PCDHA11: variants seen among roughly 807,000 people sequenced by gnomAD.
The protein encoded by PCDHA11 is protocadherin alpha-11.
In PCDHA11, 61 loss-of-function variants were observed where a neutral mutation model predicts 70.3. The ratio of observed to expected loss-of-function variants is 0.87; its 90% CI spans 0.71 to 1.07. PCDHA11 has a LOEUF of 1.07. Ranked by LOEUF, PCDHA11 falls within the 50% of genes least tolerant of loss-of-function variation. PCDHA11 has a pLI of 0.00. For synonymous variants in PCDHA11, 633 were observed against 555.1 expected (o/e 1.14, Z -1.97); for missense variants, 1,324 against 1,237.5 (o/e 1.07, Z -1.05).
At chr5:140,939,281 G>C (rs1554212652) in intron 1 of PCDHA11, among the ~76,000 whole-genome samples, 1 of 152,014 alleles carries the variant, frequency 6.6e-6, no homozygotes. Context: ...CTGTGCCCTC[G>C]TGATCTAATC....
rs369740429 is a variant in PCDHA11 at position 140,870,914 on chromosome 5, C to A, written c.1811C>A (p.Ala604Glu). The part of the protein sequence containing the change: ...RAVDADSGYN[A>E]WLSYELQPAA... ...GTGGATGCGGACTCAGGCTACAACG[C>A]GTGGCTTTCATATGAATTGCAGCCG... Residue 604 changes from alanine (A) to glutamate (E), a missense_variant, in exon 1 of 4, where the codon GCG becomes GAG. Ala to Glu is a moderately radical substitution (Grantham distance 107, BLOSUM62 -1). Transcript: ENST00000398640. 10 of 1,613,828 alleles carry A rather than the reference C, an allele frequency of 6.2e-6. No homozygotes were observed. Among genetic ancestry groups the A allele is most frequent in the African/African-American group, 1.3e-5 (1 of 74,950 alleles).
At chr5:140,889,745 T>G (rs1295441616) in intron 1 of PCDHA11, among the ~76,000 whole-genome samples, 2 of 152,202 alleles carry the variant, frequency 1.3e-5, no homozygotes, top group Non-Finnish European at 2.9e-5. Flanking sequence ...CAGAGTCTAA[T>G]TTTTCTTTCC....
In PCDHA11 at chr5:140,869,117, A is replaced by G; in HGVS notation, c.14A>G (p.Gln5Arg). The change falls in exon 1 of 4, where the codon CAG becomes CGG. Residue 5 changes from glutamine to arginine, a missense_variant. Coordinates refer to ENST00000398640, the MANE Select transcript of PCDHA11 (RefSeq NM_018902.5). ...ATTTCGTATGCGATGTTTGGTTTTCAGAGAAGGGGATTGGGCACCCCACGA... is the reference window on the plus strand; with the variant it reads ...ATTTCGTATGCGATGTTTGGTTTTCGGAGAAGGGGATTGGGCACCCCACGA... Reference protein sequence around the residue: MFGFQRRGLGTPRLQ... With the variant: MFGFRRRGLGTPRLQ... The G allele has an allele frequency of 1.2e-6, 2 of 1,605,428 alleles. No homozygotes were observed. Among genetic ancestry groups the G allele is most frequent in the Non-Finnish European group, 1.7e-6 (2 of 1,174,824 alleles).
chr5:140,920,804 A>G (rs2079833395), intron 1 of PCDHA11, among the ~76,000 whole-genome samples: 1 of 151,364 alleles, frequency 6.6e-6, no homozygotes, highest in South Asian at 2.1e-4. Context: ...AGATCACGCC[A>G]CTGCACTCCA....
intron 1 of PCDHA11, among the ~76,000 whole-genome samples, chr5:140,892,696 C>T (rs1005435710): frequency 4.6e-5 from 7 of 152,098 alleles, no homozygotes; most frequent in Admixed American, 6.6e-5. Context: ...ATAATAAAAT[C>T]AGGGTAATTA....
intron 1 of PCDHA11, among the ~76,000 whole-genome samples, chr5:140,921,151 ATT>A (rs11299094): frequency 0.33 from 49,606 of 151,532 alleles, 8,413 homozygotes; most frequent in East Asian, 0.53. Flanking sequence ...CAGCTAATGC[ATT>A]TTTTTTTTAA....
At chr5:140,899,204 C>T (rs1286752140) in intron 1 of PCDHA11, among the ~76,000 whole-genome samples, 2 of 151,972 alleles carry the variant, frequency 1.3e-5, no homozygotes, top group African/African-American at 4.8e-5. Context: ...CCTAATTGCC[C>T]TGGCCAGAAC....
At position 140,870,363 on chromosome 5, in the gene PCDHA11, T is replaced by C. The variant is rs782093088; in HGVS notation, c.1260T>C (p.Tyr420=). 1.9e-6 allele frequency: 3 copies of C among 1,614,206 alleles called. No homozygotes were observed. The South Asian group carries it at 3.3e-5, about 18-fold the overall frequency. The change falls in exon 1 of 4, where the codon TAT becomes TAC. Residue 420 remains tyrosine (Y), a synonymous_variant. Transcript: ENST00000398640. ...SALDRENVWA[Y]ELVVTARDGG... ...TGGACCGCGAGAACGTGTGGGCCTA[T>C]GAACTGGTGGTGACTGCGCGGGATG...
At chr5:140,907,144 G>A (rs1006725502) in intron 1 of PCDHA11, among the ~76,000 whole-genome samples, 17 of 152,104 alleles carry the variant, frequency 1.1e-4, no homozygotes, top group Non-Finnish European at 2.4e-4. Flanking sequence ...CCGGCTATGG[G>A]AGAAACAGTA....
chr5:141,006,689 G>A (rs1249412460), intron 3 of PCDHA11, among the ~76,000 whole-genome samples: 2 of 152,072 alleles, frequency 1.3e-5, no homozygotes, highest in Non-Finnish European at 2.9e-5. Context: ...TGGGAGAAGA[G>A]GACAGAGTCA....
intron 1 of PCDHA11, chr5:140,927,515 G>A (rs782499434): frequency 1.2e-6 from 2 of 1,614,100 alleles, no homozygotes; most frequent in South Asian, 1.1e-5. Flanking sequence ...GCTCGGGACG[G>A]CGGGCTACCT....
In PCDHA11 at chr5:140,927,750, G is replaced by T. The variant is rs155819; in HGVS notation, c.2392-51199G>T. The T allele has an allele frequency of 1.4e-3, 2,310 of 1,614,204 alleles. 26 individuals carry two copies. In the African/African-American group the frequency reaches 0.026, roughly 18 times the overall value. On this transcript the variant is annotated intron_variant, in intron 1 of 3. Coordinates refer to ENST00000398640, the MANE Select transcript of PCDHA11 (RefSeq NM_018902.5). ...CAGAGCTGCGACACCGCTTTCACGT[G>T]CACCCTAAAAGTGGGGAGGTGCAAG...
Position 140,968,423 on chromosome 5 carries a change from G to A in PCDHA11, c.2392-10526G>A, listed in dbSNP as rs782235507. The A allele has an allele frequency of 1.9e-6, 3 of 1,614,028 alleles. No homozygotes were observed. The South Asian group carries it at 3.3e-5, about 18-fold the overall frequency. On this transcript the variant is annotated intron_variant, in intron 1 of 3. Transcript: ENST00000398640. ...GTTCTTTGTGACTGTGGAGGCTCAG[G>A]ACAAGGGGAGCCCACCACTGAGCAG...
intron 1 of PCDHA11, among the ~76,000 whole-genome samples, chr5:140,898,428 A>G (rs1554187988): frequency 2.6e-5 from 4 of 152,132 alleles, no homozygotes; most frequent in Non-Finnish European, 5.9e-5. Flanking sequence ...TTTTCCCAGC[A>G]CCATTTATTA....
intron 1 of PCDHA11, chr5:140,881,384 G>T (rs1299609025): frequency 2.0e-6 from 2 of 984,186 alleles, no homozygotes; most frequent in Non-Finnish European, 2.4e-6. Flanking sequence ...GCCGGCGGCG[G>T]TAAGTTAAAT....
chr5:140,882,066 T>G (rs1198525083), intron 1 of PCDHA11: 1 of 845,446 alleles, frequency 1.2e-6, no homozygotes, highest in East Asian at 2.7e-5. Context: ...TACACGTTCA[T>G]GCGCATGGTG....
chr5:140,927,486 C>T (rs782314357), intron 1 of PCDHA11: 11 of 1,614,010 alleles, frequency 6.8e-6, no homozygotes, highest in Non-Finnish European at 8.5e-6. Flanking sequence ...AGCGCGCCAC[C>T]CACCTGCTGG....
At chr5:140,874,926 A>C (rs1282020251) in intron 1 of PCDHA11, among the ~76,000 whole-genome samples, 1 of 152,228 alleles carries the variant, frequency 6.6e-6, no homozygotes, top group Non-Finnish European at 1.5e-5. Flanking sequence ...GTGAAGGTTA[A>C]AAGTTATTGA....
chr5:140,876,976 C>G lies in PCDHA11; in HGVS notation c.2391+5482C>G, dbSNP rs782283591. 6 of 1,612,586 alleles carry G rather than the reference C, an allele frequency of 3.7e-6. No homozygotes were observed. In the Admixed American group the frequency reaches 5.0e-5, roughly 13 times the overall value. ...GCTGGTGGAGCGGCGGGTGGGCGAG[C>G]ACGCACTGTCGAGCTACGTGTCGGT... On this transcript the variant is annotated intron_variant, in intron 1 of 3. Transcript: ENST00000398640.
Sources: allele counts gnomAD v4.1 joint callset (sites outside exome capture counted in the v4.1 genomes callset), GRCh38; gene constraint gnomAD v4.1.1; transcripts MANE v1.5; gene names NCBI Gene and HGNC (gene_info 2026-07-23, HGNC 2026-07-21).